The following MLLT10 variants were observed in gnomAD, a reference collection of about 807,000 sequenced individuals.
MLLT10 encodes the protein protein AF-10.
Under a neutral mutation model 129.1 loss-of-function variants are expected in MLLT10, and 30 were observed. The observed-to-expected ratio is 0.23, with a 90% CI of 0.17 to 0.32. The LOEUF is 0.32. MLLT10 is among the 10% of genes least tolerant of loss of function. MLLT10 has a pLI of 1.00. For missense variants in MLLT10, 1,119 were observed against 1,268.3 expected, an observed-to-expected ratio of 0.88 and a Z score of 1.79; for synonymous variants, 490 against 446.4, an observed-to-expected ratio of 1.10 and a Z score of -1.23.
chr10:21,560,224 C>G (rs1201284380), intron 3 of MLLT10, among the ~76,000 whole-genome samples: 1 of 152,086 alleles, frequency 6.6e-6, no homozygotes, highest in African/African-American at 2.4e-5. Flanking sequence ...AGGCTGGTCT[C>G]GAACTCTCTA....
chr10:21,557,820 CA>C (rs1157483770), intron 3 of MLLT10: 2 of 151,036 alleles, frequency 1.3e-5, no homozygotes. Flanking sequence ...TAGTTGGAGT[CA>C]GGGGTAAGAG....
At chr10:21,623,448 T>C (rs1174130161) in intron 8 of MLLT10, among the ~76,000 whole-genome samples, 1 of 152,082 alleles carries the variant, frequency 6.6e-6, no homozygotes, top group Non-Finnish European at 1.5e-5. Context: ...CCAAATATTA[T>C]AACAAAAAAT....
chr10:21,539,517 T>TTC (rs2034710640), intron 3 of MLLT10, among the ~76,000 whole-genome samples: 2 of 151,916 alleles, frequency 1.3e-5, no homozygotes, highest in Admixed American at 6.6e-5. Context: ...TTCACACCTG[T>TTC]AATCCCAGCA....
chr10:21,617,289 C>T, intron 8 of MLLT10, 82 bp downstream of exon 8: 3 of 576,234 alleles, frequency 5.2e-6, no homozygotes, highest in Non-Finnish European at 5.6e-6. Context: ...AAATTACATT[C>T]TTGATAGTTA....
At chr10:21,535,954 G>C (rs1183898127) in intron 2 of MLLT10, among the ~76,000 whole-genome samples, 1 of 152,040 alleles carries the variant, frequency 6.6e-6, no homozygotes, top group Non-Finnish European at 1.5e-5. Flanking sequence ...TTTTTATTTT[G>C]TTGAGACGGA....
chr10:21,568,268 C>G (rs543262671), intron 3 of MLLT10, among the ~76,000 whole-genome samples: 23 of 152,338 alleles, frequency 1.5e-4, no homozygotes, highest in Non-Finnish European at 3.1e-4. Context: ...TGATCCTGAG[C>G]TAATTTGCCT....
At chr10:21,704,016 G>GTTTTCTTTTTTTTTTTTTT (rs2055191837) in intron 13 of MLLT10, among the ~76,000 whole-genome samples, 1 of 56,616 alleles carries the variant, frequency 1.8e-5, no homozygotes, top group Non-Finnish European at 3.0e-5. Context: ...ATTGTTTTTT[G>GTTTTCTTTTTTTTTTTTTT]TTTTTTTTTT....
At chr10:21,566,071 G>C (rs1334710470) in intron 3 of MLLT10, among the ~76,000 whole-genome samples, 1 of 147,390 alleles carries the variant, frequency 6.8e-6, no homozygotes, top group Non-Finnish European at 1.5e-5. Context: ...TCCTGACTCA[G>C]CCTCCAGAGT....
At position 21,536,943 on chromosome 10, in the gene MLLT10, C is replaced by T. The variant is rs181466514; in HGVS notation, c.161-1890C>T. Among the ~76,000 whole-genome samples, 14 of 151,966 alleles carry T rather than the reference C, an allele frequency of 9.2e-5. No homozygotes were observed. In the East Asian group the frequency reaches 2.2e-3, roughly 23 times the overall value. On this transcript the variant is annotated intron_variant, in intron 2 of 22. Transcript: ENST00000307729. ...GGATTGCAGGCATGGACCACCATGC[C>T]CTGCTAATTTTTGTATTTTTTTTAG...
intron 3 of MLLT10, among the ~76,000 whole-genome samples, chr10:21,555,186 C>A (rs2037734378): frequency 6.6e-6 from 1 of 151,862 alleles, no homozygotes; most frequent in Admixed American, 6.6e-5. Flanking sequence ...ATCTTCTGTT[C>A]AAGTTTCTTG....
rs58778532 is a variant in MLLT10 at position 21,689,618 on chromosome 10, TACACACAC to T, written c.1699+7375_1699+7382del. 4.5e-5 allele frequency among the ~76,000 whole-genome samples: 5 copies of T among 112,060 alleles called. No individual in the cohort carries two copies. The South Asian group carries it at 1.1e-3, about 24-fold the overall frequency. The allele number at this position is 112,060 out of a possible 152,430, so 73.5% of individuals were successfully genotyped here. A position where few individuals can be genotyped will look rare whatever the true frequency, so the allele number is the denominator to read the frequency against. Reference sequence around the variant, plus strand: ...TGTGTGTTTTATATATATATATATATACACACACACACACACACACATTTATATATATA... The same window carrying T: ...TGTGTGTTTTATATATATATATATATACACACACACACATTTATATATATA... On this transcript the variant is annotated intron_variant, in intron 13 of 22. Coordinates refer to ENST00000307729, the MANE Select transcript of MLLT10 (RefSeq NM_001195626.3).
At chr10:21,690,032 G>A (rs536451331) in intron 13 of MLLT10, among the ~76,000 whole-genome samples, 1 of 152,022 alleles carries the variant, frequency 6.6e-6, no homozygotes, top group African/African-American at 2.4e-5. Context: ...GTTTAGCACA[G>A]AATTAAATAG....
At chr10:21,704,381 ATAAT>A (rs1356431812) in intron 13 of MLLT10, among the ~76,000 whole-genome samples, 2 of 126,982 alleles carry the variant, frequency 1.6e-5, no homozygotes, top group Admixed American at 7.9e-5. Context: ...ATATATATAT[ATAAT>A]TATTACTGAA....
chr10:21,618,235 G>A (rs774561706), intron 8 of MLLT10, among the ~76,000 whole-genome samples: 2 of 152,026 alleles, frequency 1.3e-5, no homozygotes, highest in Non-Finnish European at 2.9e-5. Context: ...TGGGCTGGGC[G>A]TGGTGGCTCA....
At chr10:21,657,894 T>A (rs2049771535) in intron 9 of MLLT10, among the ~76,000 whole-genome samples, 1 of 152,154 alleles carries the variant, frequency 6.6e-6, no homozygotes, top group South Asian at 2.1e-4. Context: ...AAAATTTTAA[T>A]GTTTCTTTAA....
chr10:21,683,945 T>C (rs955171193), intron 13 of MLLT10, among the ~76,000 whole-genome samples: 2 of 152,094 alleles, frequency 1.3e-5, no homozygotes, highest in Non-Finnish European at 2.9e-5. Context: ...GATTATTGAT[T>C]GGAATCTTTT....
chr10:21,558,060 T>C (rs143199546), intron 3 of MLLT10, among the ~76,000 whole-genome samples: 4,326 of 149,904 alleles, frequency 0.029, 209 homozygotes, highest in African/African-American at 0.099. Flanking sequence ...AGCAATTCTC[T>C]GGCCTCAGCC....
chr10:21,565,630 T>C (rs571794898), intron 3 of MLLT10, among the ~76,000 whole-genome samples: 12 of 142,684 alleles, frequency 8.4e-5, no homozygotes, highest in Admixed American at 1.4e-4. Flanking sequence ...TTTTGAGACA[T>C]GGTCTTGCTC....
At chr10:21,589,457 G>A (rs2042294830) in intron 4 of MLLT10, among the ~76,000 whole-genome samples, 2 of 151,636 alleles carry the variant, frequency 1.3e-5, no homozygotes, top group Admixed American at 6.6e-5. Context: ...CTTTGAGAGT[G>A]TTGGAATTAC....
Sources: allele counts gnomAD v4.1 joint callset (sites outside exome capture counted in the v4.1 genomes callset), GRCh38; gene constraint gnomAD v4.1.1; transcripts MANE v1.5; gene names NCBI Gene and HGNC (gene_info 2026-07-23, HGNC 2026-07-21).